BICD1: variants seen among roughly 807,000 people sequenced by gnomAD.
BICD1 encodes the protein BICD cargo adaptor 1.
A neutral mutation model predicts 92.5 loss-of-function variants in BICD1; 35 were observed. The ratio of observed to expected loss-of-function variants is 0.38; its 90% CI spans 0.29 to 0.50. The LOEUF (loss-of-function observed/expected upper bound fraction) is 0.50, where lower values mean the gene tolerates loss of function less well. Among genes scored for constraint, BICD1 ranks in the 20% least tolerant of loss-of-function variants. The pLI, the probability that BICD1 is intolerant of heterozygous loss-of-function variation, is 0.93. For missense variants in BICD1, 950 were observed against 1,189.8 expected, an observed-to-expected ratio of 0.80 and a Z score of 2.97; for synonymous variants, 429 against 465.1, an observed-to-expected ratio of 0.92 and a Z score of 1.00.
In BICD1 at chr12:32,107,158, G is replaced by A. The variant is rs779302070; in HGVS notation, c.-174G>A. 7 of 639,840 alleles carry A rather than the reference G, an allele frequency of 1.1e-5. No individual in the cohort carries two copies. Among genetic ancestry groups the A allele is most frequent in the Non-Finnish European group, 1.9e-5 (7 of 370,188 alleles). The allele number at this position is 639,840 out of a possible 1,614,324, so 39.6% of individuals were successfully genotyped here. A position where few individuals can be genotyped will look rare whatever the true frequency, so the allele number is the denominator to read the frequency against. On this transcript the variant is annotated 5_prime_UTR_variant, in exon 1 of 10. Coordinates refer to ENST00000652176, the MANE Select transcript of BICD1 (RefSeq NM_001714.4). ...TGCATTTCTCGTCAGTTTCTCGGGC[G>A]GTGTAGCTGCCGCTGCCACCAGAGC...
At chr12:32,164,995 C>G (rs867737684) in intron 1 of BICD1, among the ~76,000 whole-genome samples, 13 of 152,302 alleles carry the variant, frequency 8.5e-5, no homozygotes, top group Middle Eastern at 3.4e-3. Context: ...TTAGCTGACA[C>G]TGCTCTGCTT....
intron 1 of BICD1, among the ~76,000 whole-genome samples, chr12:32,114,383 C>T (rs971391503): frequency 6.6e-6 from 1 of 151,678 alleles, no homozygotes; most frequent in Admixed American, 6.6e-5. Flanking sequence ...CCTCAACTTT[C>T]TTTTTTTTCT....
intron 1 of BICD1, among the ~76,000 whole-genome samples, chr12:32,156,198 C>T (rs1472485836): frequency 6.6e-6 from 1 of 152,168 alleles, no homozygotes; most frequent in Non-Finnish European, 1.5e-5. Flanking sequence ...TAAAATTGCA[C>T]ACATAGATAT....
intron 8 of BICD1, among the ~76,000 whole-genome samples, chr12:32,350,197 A>G (rs1214579115): frequency 1.3e-5 from 2 of 152,166 alleles, no homozygotes; most frequent in African/African-American, 4.8e-5. Context: ...TAAATGATGT[A>G]GTGAGCCAGG....
chr12:32,170,540 G>A (rs574469005), intron 1 of BICD1, among the ~76,000 whole-genome samples: 12 of 152,254 alleles, frequency 7.9e-5, no homozygotes, highest in African/African-American at 2.4e-4. Flanking sequence ...TGTAGTTAGC[G>A]TATTAGAAGG....
intron 3 of BICD1, among the ~76,000 whole-genome samples, chr12:32,296,183 A>C (rs1454303519): frequency 2.1e-4 from 32 of 151,834 alleles, no homozygotes. Flanking sequence ...CAGTGGAGAA[A>C]TGTAGACTTA....
intron 8 of BICD1, chr12:32,353,261 T>G (rs911220033): frequency 6.6e-6 from 1 of 152,216 alleles, no homozygotes; most frequent in African/African-American, 2.4e-5. Flanking sequence ...ATAAGCATCT[T>G]CTGTAAACTT....
intron 1 of BICD1, among the ~76,000 whole-genome samples, chr12:32,118,168 G>A (rs988307220): frequency 1.1e-4 from 16 of 151,492 alleles, no homozygotes; most frequent in Non-Finnish European, 2.1e-4. Flanking sequence ...TGCAAGCTCC[G>A]CTTCCCTGGG....
chr12:32,166,860 A>G (rs1943786051), intron 1 of BICD1, among the ~76,000 whole-genome samples: 1 of 152,232 alleles, frequency 6.6e-6, no homozygotes, highest in Non-Finnish European at 1.5e-5. Context: ...CTCTTGCCTT[A>G]TAGGTTTTGG....
intron 1 of BICD1, among the ~76,000 whole-genome samples, chr12:32,202,208 T>A (rs1466469466): frequency 6.6e-6 from 1 of 152,192 alleles, no homozygotes; most frequent in Non-Finnish European, 1.5e-5. Flanking sequence ...GGCGTCTGTT[T>A]GGTTGAGACA....
chr12:32,152,021 T>A (rs770384865), intron 1 of BICD1, among the ~76,000 whole-genome samples: 84 of 152,058 alleles, frequency 5.5e-4, no homozygotes, highest in Non-Finnish European at 9.0e-4. Flanking sequence ...TAGTGGCGCG[T>A]TCTCAGCTCA....
At chr12:32,223,636 T>C (rs1170508486) in intron 2 of BICD1, among the ~76,000 whole-genome samples, 1 of 152,204 alleles carries the variant, frequency 6.6e-6, no homozygotes, top group Non-Finnish European at 1.5e-5. Flanking sequence ...CGCTTTCTTA[T>C]CATTCATGTG....
At chr12:32,240,573 T>G (rs1000296025) in intron 2 of BICD1, among the ~76,000 whole-genome samples, 2 of 152,200 alleles carry the variant, frequency 1.3e-5, no homozygotes, top group African/African-American at 4.8e-5. Context: ...ACACTTAGGG[T>G]CTACCTTGCT....
chr12:32,350,823 A>C (rs571218555), intron 8 of BICD1, among the ~76,000 whole-genome samples: 2 of 152,352 alleles, frequency 1.3e-5, no homozygotes, highest in Admixed American at 1.3e-4. Flanking sequence ...TTCTTCAAAA[A>C]GTGTAAAGTC....
At chr12:32,253,037 C>T (rs888734533) in intron 2 of BICD1, among the ~76,000 whole-genome samples, 5 of 151,972 alleles carry the variant, frequency 3.3e-5, no homozygotes, top group African/African-American at 7.3e-5. Flanking sequence ...TGCACACCAC[C>T]GCACCCAGGT....
At chr12:32,353,342 T>G (rs1445572373) in intron 8 of BICD1, 1 of 152,240 alleles carries the variant, frequency 6.6e-6, no homozygotes, top group Non-Finnish European at 1.5e-5. Flanking sequence ...CGGTTTAATT[T>G]GCTTGTGAAG....
chr12:32,134,552 G>A (rs914118482), intron 1 of BICD1, among the ~76,000 whole-genome samples: 16 of 152,186 alleles, frequency 1.1e-4, no homozygotes, highest in African/African-American at 3.6e-4. Context: ...AGGAGAGAGA[G>A]ACTTCCCTGT....
intron 2 of BICD1, among the ~76,000 whole-genome samples, chr12:32,276,352 G>A (rs960118210): frequency 2.0e-5 from 3 of 152,214 alleles, no homozygotes; most frequent in African/African-American, 7.2e-5. Context: ...AGAGGGGACT[G>A]AGAGACAGGA....
At chr12:32,295,082 GAAAAAAA>G (rs10647988) in intron 3 of BICD1, among the ~76,000 whole-genome samples, 1 of 103,496 alleles carries the variant, frequency 9.7e-6, no homozygotes, top group Non-Finnish European at 1.9e-5. Context: ...ATTCCGTCTC[GAAAAAAA>G]AAAAAAAAAA....
Sources: allele counts gnomAD v4.1 joint callset (sites outside exome capture counted in the v4.1 genomes callset), GRCh38; gene constraint gnomAD v4.1.1; transcripts MANE v1.5; gene names NCBI Gene and HGNC (gene_info 2026-07-23, HGNC 2026-07-21).